DLGAP1: variants seen among roughly 807,000 people sequenced by gnomAD.
The protein encoded by DLGAP1 is disks large-associated protein 1.
In DLGAP1, 11 loss-of-function variants were observed where a neutral mutation model predicts 90.8. The ratio of observed to expected loss-of-function variants is 0.12; its 90% CI spans 0.08 to 0.20. The LOEUF is 0.20. DLGAP1 is among the 10% of genes least tolerant of loss of function. The pLI, the probability that DLGAP1 is intolerant of heterozygous loss-of-function variation, is 1.00. For missense variants in DLGAP1, 1,050 were observed against 1,333.8 expected (o/e 0.79, Z 3.31); for synonymous variants, 558 against 540.7 (o/e 1.03, Z -0.44).
chr18:3,821,445 AAAAG>A (rs2067410164), intron 4 of DLGAP1, among the ~76,000 whole-genome samples: 1 of 151,346 alleles, frequency 6.6e-6, no homozygotes, highest in Non-Finnish European at 1.5e-5. Context: ...TAAACTAAAA[AAAAG>A]AAGAAGAGAA....
chr18:4,311,034 G>A (rs1050926669), intron 1 of DLGAP1, among the ~76,000 whole-genome samples: 2 of 152,188 alleles, frequency 1.3e-5, no homozygotes, highest in Non-Finnish European at 2.9e-5. Flanking sequence ...TGTAAAGGAT[G>A]CTGACTTATT....
At chr18:4,394,816 A>C (rs1413856107) in intron 1 of DLGAP1, among the ~76,000 whole-genome samples, 3 of 152,208 alleles carry the variant, frequency 2.0e-5, no homozygotes, top group Non-Finnish European at 4.4e-5. Flanking sequence ...TTTCTCTTAA[A>C]GAATTTCATA....
chr18:4,378,433 A>T lies in DLGAP1; in HGVS notation c.-267+76573T>A, dbSNP rs1178369309. Among the ~76,000 whole-genome samples, 1 of 152,128 alleles carries T rather than the reference A, an allele frequency of 6.6e-6. No individual in the cohort carries two copies. The highest frequency in any genetic ancestry group is 1.9e-4 in the East Asian group (1 of 5,198). On this transcript the variant is annotated intron_variant, in intron 1 of 12. Coordinates refer to ENST00000315677, the MANE Select transcript of DLGAP1 (RefSeq NM_004746.4). This position sits in a 1 kb window ranked among gnomAD's most constrained non-coding sequence, Gnocchi z 4.5. ...AATTAAGCTTAAACATCTAAAGAGT[A>T]TGGTCAGGAAATAGAATTAACACTC...
chr18:3,868,824 ACTTGCT>A (rs1369213928), intron 4 of DLGAP1, among the ~76,000 whole-genome samples: 1 of 152,180 alleles, frequency 6.6e-6, no homozygotes, highest in East Asian at 1.9e-4. Context: ...TTCAGTGTTT[ACTTGCT>A]CTTTTCAATT....
At chr18:4,264,990 C>T (rs1384589555) in intron 1 of DLGAP1, 1 of 152,274 alleles carries the variant, frequency 6.6e-6, no homozygotes, top group Admixed American at 6.5e-5. Flanking sequence ...CTAGCCAAAA[C>T]ATACCCACCT....
chr18:4,140,960 C>A (rs2076485794), intron 2 of DLGAP1, among the ~76,000 whole-genome samples: 2 of 151,812 alleles, frequency 1.3e-5, no homozygotes, highest in Non-Finnish European at 1.5e-5. Context: ...TTTTAGGATC[C>A]TTTCATTATC....
intron 1 of DLGAP1, among the ~76,000 whole-genome samples, chr18:4,154,323 G>A (rs1434347715): frequency 6.6e-6 from 1 of 151,034 alleles, no homozygotes; most frequent in South Asian, 2.1e-4. Context: ...TCCTGCCTTG[G>A]CCTCCGCCTT....
chr18:3,646,880 GAA>G (rs2059139746), intron 7 of DLGAP1, among the ~76,000 whole-genome samples: 4 of 152,020 alleles, frequency 2.6e-5, no homozygotes, highest in South Asian at 4.1e-4. Flanking sequence ...AGCCAAGATC[GAA>G]CTACTGCACT....
intron 4 of DLGAP1, among the ~76,000 whole-genome samples, chr18:3,854,292 G>A (rs2069506318): frequency 6.6e-6 from 1 of 152,066 alleles, no homozygotes; most frequent in African/African-American, 2.4e-5. Flanking sequence ...GCCCTATTCT[G>A]AACTTTTAAA....
At chr18:3,760,222 A>G (rs150801938) in intron 5 of DLGAP1, among the ~76,000 whole-genome samples, 1,667 of 152,200 alleles carry the variant, frequency 0.011, 24 homozygotes, top group Non-Finnish European at 0.014. Flanking sequence ...CATTGTGACA[A>G]GAGGCCCAGT....
chr18:3,895,785 C>T (rs1302370418), intron 3 of DLGAP1: 1 of 152,274 alleles, frequency 6.6e-6, no homozygotes, highest in Non-Finnish European at 1.5e-5. Flanking sequence ...CAGGCCGCAT[C>T]TGTCCTGGGG....
chr18:3,801,890 A>G (rs2066311648), intron 5 of DLGAP1, among the ~76,000 whole-genome samples: 1 of 152,174 alleles, frequency 6.6e-6, no homozygotes, highest in Non-Finnish European at 1.5e-5. Flanking sequence ...AATATAGAAT[A>G]TACTTTCATC....
intron 4 of DLGAP1, among the ~76,000 whole-genome samples, chr18:3,826,496 A>G (rs1340230087): frequency 6.6e-6 from 1 of 152,168 alleles, no homozygotes; most frequent in Admixed American, 6.5e-5. Context: ...GGAGTCAGGG[A>G]CTCTGCCCTG....
chr18:3,508,766 G>A, intron 10 of DLGAP1, 105 bp from the exon 11 acceptor site: 2 of 831,062 alleles, frequency 2.4e-6, no homozygotes, highest in Admixed American at 2.3e-5. Flanking sequence ...AGGGAAAATG[G>A]CACACACACA....
At chr18:4,299,554 CACT>C (rs1207461360) in intron 1 of DLGAP1, among the ~76,000 whole-genome samples, 1 of 152,174 alleles carries the variant, frequency 6.6e-6, no homozygotes, top group African/African-American at 2.4e-5. Flanking sequence ...GTCACACTGT[CACT>C]AAGTAGAAAT....
intron 1 of DLGAP1, among the ~76,000 whole-genome samples, chr18:4,155,754 G>T (rs1302335583): frequency 1.3e-5 from 2 of 152,170 alleles, no homozygotes; most frequent in African/African-American, 4.8e-5. Context: ...AGAAGGAGTG[G>T]ATCAAGGATG....
chr18:4,109,905 TGG>T (rs781444117), intron 2 of DLGAP1, among the ~76,000 whole-genome samples: 3 of 152,132 alleles, frequency 2.0e-5, no homozygotes, highest in Non-Finnish European at 4.4e-5. Context: ...TTGTTTTTTG[TGG>T]GGACAGGACT....
chr18:3,513,561 T>G (rs2143942459), intron 10 of DLGAP1, among the ~76,000 whole-genome samples: 1 of 152,334 alleles, frequency 6.6e-6, no homozygotes, highest in Middle Eastern at 3.4e-3. Context: ...CTGTCCCACA[T>G]TAGGAAGCAA....
chr18:3,858,543 C>G (rs59229868), intron 4 of DLGAP1, among the ~76,000 whole-genome samples: 1 of 150,730 alleles, frequency 6.6e-6, no homozygotes, highest in African/African-American at 2.4e-5. Context: ...CACACACACA[C>G]ACATATATAT....
Sources: allele counts gnomAD v4.1 joint callset (sites outside exome capture counted in the v4.1 genomes callset), GRCh38; gene constraint gnomAD v4.1.1; non-coding constraint Gnocchi (gnomAD v3.1); transcripts MANE v1.5; gene names NCBI Gene and HGNC (gene_info 2026-07-23, HGNC 2026-07-21).